Variants in SPON2 observed in about 807,000 individuals in gnomAD.
The protein encoded by SPON2 is spondin-2.
SPON2 carries 32 observed loss-of-function variants against 29.9 expected under a neutral mutation model. That is an observed-to-expected ratio of 1.07 (90% confidence interval 0.81 to 1.44). SPON2 has a LOEUF of 1.44. Among genes scored for constraint, SPON2 ranks in the 40% most tolerant of loss-of-function variants. The pLI is 0.00. For synonymous variants in SPON2, 248 were observed against 209.1 expected, an observed-to-expected ratio of 1.19 and a Z score of -1.61; for missense variants, 541 against 455.5, an observed-to-expected ratio of 1.19 and a Z score of -1.71.
At position 1,171,938 on chromosome 4, in the gene SPON2, A is replaced by G. The variant is rs1227507165; in HGVS notation, c.134T>C (p.Ile45Thr). Residue 45 changes from isoleucine to threonine, a missense_variant, in exon 2 of 6, where the codon ATC (isoleucine) becomes ACC (threonine). By Grantham distance (89) the Ile-to-Thr change is moderately conservative (BLOSUM62 -1). Coordinates refer to ENST00000290902, the MANE Select transcript of SPON2 (RefSeq NM_012445.4). Reference protein sequence around the residue: ...CSARALAKYSITFTGKWSQTA... With the variant: ...CSARALAKYSTTFTGKWSQTA... The stretch of plus-strand genomic sequence containing the variant: ...CTGGCTCCACTTGCCCGTGAAGGTG[A>G]TGCTGTATTTGGCCAGGGCTCTGGC... The G allele has an allele frequency of 6.2e-7, 1 of 1,612,684 alleles. No individual in the cohort carries two copies. The highest frequency in any genetic ancestry group is 8.5e-7 in the Non-Finnish European group (1 of 1,179,832).
At chr4:1,188,492 A>G (rs1727846624) in intron 1 of SPON2, among the ~76,000 whole-genome samples, 1 of 152,230 alleles carries the variant, frequency 6.6e-6, no homozygotes, top group South Asian at 2.1e-4. Context: ...TAAAAGAGCA[A>G]AGATAGAATA....
chr4:1,191,633 C>T (rs563006403), intron 1 of SPON2, among the ~76,000 whole-genome samples: 4 of 152,266 alleles, frequency 2.6e-5, no homozygotes, highest in African/African-American at 9.6e-5. Context: ...GGCGCCCCTC[C>T]TCTCACACCT....
upstream of SPON2, among the ~76,000 whole-genome samples, chr4:1,176,688 TCACACAGTACATTCATGCAATCATC>T (rs1250772912): frequency 3.9e-5 from 6 of 152,194 alleles, no homozygotes; most frequent in African/African-American, 9.7e-5. Flanking sequence ...AATCATCCAT[TCACACAGTACATTCATGCAATCATC>T]CACACAGTAC....
At position 1,180,172 on chromosome 4, in the gene SPON2, T is replaced by C. The variant is rs2153078315; in HGVS notation, c.-238-631A>G. Among the ~76,000 whole-genome samples, 4 of 152,088 alleles carry C rather than the reference T, an allele frequency of 2.6e-5. No homozygotes were observed. The South Asian group carries it at 8.3e-4, about 32-fold the overall frequency. On this transcript the variant is annotated intron_variant, in intron 1 of 3. Coordinates refer to the SPON2 transcript ENST00000502483. ...GCAGGAAGTGAGGGCTACTGCAGAG[T>C]TGTTAACTGCCCGACTGAGTGTTGA...
upstream of SPON2, among the ~76,000 whole-genome samples, chr4:1,174,279 G>C (rs1727544236): frequency 6.6e-6 from 1 of 151,884 alleles, no homozygotes; most frequent in Non-Finnish European, 1.5e-5. Flanking sequence ...TTGAGGTCAG[G>C]AACTCGAGAC....
chr4:1,168,753 G>A (rs945548128), intron 5 of SPON2, among the ~76,000 whole-genome samples: 2 of 152,192 alleles, frequency 1.3e-5, no homozygotes, highest in Admixed American at 6.5e-5. Flanking sequence ...GTTCTACAGC[G>A]AGGGCCCCAC....
At chr4:1,183,065 A>G (rs546739671) in intron 1 of SPON2, among the ~76,000 whole-genome samples, 4 of 152,066 alleles carry the variant, frequency 2.6e-5, no homozygotes, top group Admixed American at 6.5e-5. Context: ...ACATGGTGAA[A>G]CCCCATCTCC....
intron 1 of SPON2, among the ~76,000 whole-genome samples, chr4:1,185,708 C>CA (rs58836347): frequency 1.0e-4 from 7 of 69,668 alleles, no homozygotes; most frequent in Non-Finnish European, 1.4e-4. Flanking sequence ...ACTCCATCTC[C>CA]AAAAAAAAAA....
At position 1,202,865 on chromosome 4, in the gene SPON2, C is replaced by T. The variant is rs1223683357; in HGVS notation, c.-234+5015G>A. Reference sequence around the variant, plus strand: ...GGCCCCCCGCATGTGCCTTTGGGAGCGATGGTTGGAGCTGCGCCTGCACCT... The same window carrying T: ...GGCCCCCCGCATGTGCCTTTGGGAGTGATGGTTGGAGCTGCGCCTGCACCT... On this transcript the variant is annotated intron_variant, in intron 1 of 3. Coordinates refer to the SPON2 transcript ENST00000509233. The surrounding 1 kb of genome is among the most constrained non-coding windows in gnomAD (Gnocchi z 5.4). Among the ~76,000 whole-genome samples the T allele has an allele frequency of 6.6e-6, 1 of 152,172 alleles. No individual in the cohort carries two copies. Among genetic ancestry groups the T allele is most frequent in the Non-Finnish European group, 1.5e-5 (1 of 68,028 alleles).
At chr4:1,194,170 G>A (rs1024634793) in intron 1 of SPON2, among the ~76,000 whole-genome samples, 31 of 152,026 alleles carry the variant, frequency 2.0e-4, no homozygotes, top group Admixed American at 9.8e-4. Context: ...GACACCCTCC[G>A]GCCGGCCTCC....
rs1193704180 is a variant in SPON2 at position 1,202,008 on chromosome 4, CA to C, written c.-234+5871del. ...CAGTGTACAATTCAGTGGTTTTTAG[CA>C]TGTTCACGAAGTTGTGCAACCATCC... On this transcript the variant is annotated intron_variant, in intron 1 of 3. Transcript: ENST00000509233. The surrounding 1 kb of genome is among the most constrained non-coding windows in gnomAD (Gnocchi z 5.4). Among the ~76,000 whole-genome samples the C allele has an allele frequency of 2.0e-5, 3 of 152,230 alleles. No homozygotes were observed. The East Asian group carries it at 5.8e-4, about 29-fold the overall frequency.
chr4:1,166,960 C>G lies in SPON2; in HGVS notation c.*512G>C, dbSNP rs1197348187. ...GTGAGCAACAGAGATAGTCTTTATT[C>G]AAACGCAGAGAGATCCATAACATGG... On this transcript the variant is annotated 3_prime_UTR_variant, in exon 6 of 6. Transcript: ENST00000290902. 6.5e-6 allele frequency: 1 copy of G among 153,174 alleles called. No individual in the cohort carries two copies. Among genetic ancestry groups the G allele is most frequent in the Non-Finnish European group, 1.5e-5 (1 of 68,670 alleles). The allele number at this position is 153,174 out of a possible 1,614,324, so 9.5% of individuals were successfully genotyped here. A position where few individuals can be genotyped will look rare whatever the true frequency, so the allele number is the denominator to read the frequency against.
At chr4:1,168,180 G>A (rs1456754257) in intron 5 of SPON2, 1 of 152,940 alleles carries the variant, frequency 6.5e-6, no homozygotes, top group Non-Finnish European at 1.5e-5. Flanking sequence ...TCATCATTTG[G>A]TGTTATGGTT....
chr4:1,201,669 G>A (rs1012002754), intron 1 of SPON2, among the ~76,000 whole-genome samples: 5 of 151,592 alleles, frequency 3.3e-5, no homozygotes, highest in African/African-American at 4.9e-5. Context: ...TGCAAGCTCC[G>A]CCTCCTGGGT....
Position 1,167,560 on chromosome 4 carries a change from C to G in SPON2, c.908G>C (p.Arg303Pro). The change falls in exon 6 of 6, where the codon CGC becomes CCC. Residue 303 changes from arginine to proline, a missense_variant. Physicochemically the swap from Arg to Pro is moderately radical, Grantham distance 103. Transcript: ENST00000290902. Reference protein sequence around the residue: ...CGRLGTKSRTRYVRVQPANNG... With the variant: ...CGRLGTKSRTPYVRVQPANNG... ...GTTGGCGGGCTGGACCCGGACGTAG[C>G]GAGTCCTGCTCTTGGTCCCGAGCCT... 1 of 1,613,604 alleles carries G rather than the reference C, an allele frequency of 6.2e-7. No individual in the cohort carries two copies. The highest frequency in any genetic ancestry group is 8.5e-7 in the Non-Finnish European group (1 of 1,179,998).
At chr4:1,192,706 G>A (rs11247978) in intron 1 of SPON2, among the ~76,000 whole-genome samples, 1 of 152,014 alleles carries the variant, frequency 6.6e-6, no homozygotes, top group African/African-American at 2.4e-5. Flanking sequence ...AGGAAGGCTT[G>A]GGGGGTACGG....
At position 1,171,001 on chromosome 4, in the gene SPON2, C is replaced by T. The variant is rs1419715962; in HGVS notation, c.634G>A (p.Glu212Lys). 4 of 1,547,998 alleles carry T rather than the reference C, an allele frequency of 2.6e-6. No individual in the cohort carries two copies. Among genetic ancestry groups the T allele is most frequent in the African/African-American group, 2.7e-5 (2 of 72,958 alleles). ...FATIPQDTVTEITSSSPSHPA... is the reference protein window; with the variant it reads ...FATIPQDTVTKITSSSPSHPA... Reference sequence around the variant, plus strand: ...GCGCACGCGGGGTGCCCACTCACCTCGGTCACCGTGTCCTGCGGGATGGTG... The same window carrying T: ...GCGCACGCGGGGTGCCCACTCACCTTGGTCACCGTGTCCTGCGGGATGGTG... The change falls in exon 4 of 6, where the codon GAG becomes AAG. Residue 212 changes from glutamate (E) to lysine (K), a missense_variant and splice_region_variant. Physicochemically the swap from Glu to Lys is moderately conservative, Grantham distance 56. Coordinates refer to ENST00000290902, the MANE Select transcript of SPON2 (RefSeq NM_012445.4).
At chr4:1,170,883 A>G in intron 4 of SPON2, 116 bp downstream of exon 4, 1 of 1,388,862 alleles carries the variant, frequency 7.2e-7, no homozygotes, top group Non-Finnish European at 9.9e-7. Flanking sequence ...AGCCTCTTCC[A>G]CACAAAAGCC....
rs569406995 is a variant in SPON2, at chr4:1,185,478, C to T, written c.-238-5937G>A. 1.3e-3 allele frequency among the ~76,000 whole-genome samples: 204 copies of T among 151,460 alleles called. 2 individuals are homozygous for T. Among genetic ancestry groups the T allele is most frequent in the Middle Eastern group, 3.4e-3 (1 of 292 alleles). ...ATCCCAGCACTTTGGGAGGCTGAGG[C>T]GAGCGGATCACCTGAGGTCGGGAGT... On this transcript the variant is annotated intron_variant, in intron 1 of 3. Coordinates refer to the SPON2 transcript ENST00000502483.
Sources: gnomAD v4.1 joint callset for allele counts (sites outside exome capture counted in the v4.1 genomes callset) on GRCh38, gnomAD v4.1.1 for gene constraint, Gnocchi (gnomAD v3.1) non-coding constraint, MANE v1.5 for transcripts, NCBI Gene and HGNC (gene_info 2026-07-23, HGNC 2026-07-21) for gene names.